The following UNC13C variants were observed in gnomAD, a reference collection of about 807,000 sequenced individuals.
UNC13C encodes protein unc-13 homolog C.
A neutral mutation model predicts 245.4 loss-of-function variants in UNC13C; 174 were observed. The ratio of observed to expected loss-of-function variants is 0.71; its 90% CI spans 0.63 to 0.80. The LOEUF is 0.80. UNC13C is among the 30% of genes least tolerant of loss of function. The pLI is 0.00. For synonymous variants in UNC13C, 992 were observed against 895.1 expected (o/e 1.11, Z -1.93); for missense variants, 2,829 against 2,602.9 (o/e 1.09, Z -1.89).
chr15:54,073,413 G>T (rs1595809985), intron 2 of UNC13C, among the ~76,000 whole-genome samples: 1 of 152,026 alleles, frequency 6.6e-6, no homozygotes, highest in African/African-American at 2.4e-5. Flanking sequence ...GGGATTGCTG[G>T]GTCCAATGGT....
chr15:54,041,457 G>A (rs1896803993), intron 2 of UNC13C, among the ~76,000 whole-genome samples: 1 of 152,134 alleles, frequency 6.6e-6, no homozygotes, highest in Non-Finnish European at 1.5e-5. Flanking sequence ...TGACTGTCAA[G>A]ACTCAGAGAG....
chr15:54,500,874 G>A lies in UNC13C; in HGVS notation c.5197G>A (p.Val1733Met), dbSNP rs746020902. 9.9e-6 allele frequency: 16 copies of A among 1,612,818 alleles called. No individual in the cohort carries two copies. Among genetic ancestry groups the A allele is most frequent in the Admixed American group, 8.4e-5 (5 of 59,838 alleles). ...TSEHALFSCSVVDVFAQLNQS... is the reference protein window; with the variant it reads ...TSEHALFSCSMVDVFAQLNQS... ...TGAGCATGCTCTCTTTTCTTGCTCC[G>A]TGGTTGATGTCTTTGCTCAGCTGAA... Residue 1733 changes from valine to methionine, a missense_variant, in exon 22 of 33, where the codon GTG (valine) becomes ATG (methionine). Coordinates refer to ENST00000260323, the MANE Select transcript of UNC13C (RefSeq NM_001080534.3).
Position 54,403,106 on chromosome 15 carries a change from G to T in UNC13C, c.4847+9925G>T, listed in dbSNP as rs116268109. ...TTGCTTGTACCAGGTCTTGCAGTTC[G>T]AGAAACAGTTATCTAAACTCAGTAA... is the stretch of plus-strand genomic sequence containing the variant. On this transcript the variant is annotated intron_variant, in intron 18 of 32. Coordinates refer to ENST00000260323, the MANE Select transcript of UNC13C (RefSeq NM_001080534.3). Among the ~76,000 whole-genome samples, 510 of 152,280 alleles carry T rather than the reference G, an allele frequency of 3.3e-3. 3 individuals are homozygous for T. The highest frequency in any genetic ancestry group is 0.012 in the African/African-American group (478 of 41,554).
chr15:54,377,084 C>T (rs546707402), intron 17 of UNC13C, among the ~76,000 whole-genome samples: 3 of 152,250 alleles, frequency 2.0e-5, no homozygotes, highest in Non-Finnish European at 2.9e-5. Context: ...GCCTAGCAGC[C>T]GTCAGGTGCT....
At chr15:54,257,730 T>C (rs1179606118) in intron 8 of UNC13C, among the ~76,000 whole-genome samples, 1 of 152,246 alleles carries the variant, frequency 6.6e-6, no homozygotes, top group East Asian at 1.9e-4. Flanking sequence ...CAGTCCTTTG[T>C]TGTTTGCGAA....
At chr15:54,549,798 G>T in intron 28 of UNC13C, 107 bp downstream of exon 28, 1 of 686,548 alleles carries the variant, frequency 1.5e-6, no homozygotes, top group Non-Finnish European at 2.4e-6. Flanking sequence ...GGATTAAGAA[G>T]ATGTGTGTGT....
chr15:54,032,873 G>T (rs561374172), intron 2 of UNC13C, among the ~76,000 whole-genome samples: 1 of 152,312 alleles, frequency 6.6e-6, no homozygotes, highest in Non-Finnish European at 1.5e-5. Context: ...TCTAAGTGAA[G>T]TAACTCAGGA....
chr15:54,080,771 T>G (rs1395797276), intron 2 of UNC13C, among the ~76,000 whole-genome samples: 1 of 152,086 alleles, frequency 6.6e-6, no homozygotes, highest in African/African-American at 2.4e-5. Context: ...ATAACCAACT[T>G]TTTGTTTTGT....
chr15:53,973,051 A>G, the UNC13C span, among the ~76,000 whole-genome samples: 600 of 152,240 alleles, frequency 3.9e-3, 2 homozygotes, highest in Non-Finnish European at 6.4e-3. Context: ...TAAAGAATAG[A>G]AAAGGAAAAA....
intron 2 of UNC13C, among the ~76,000 whole-genome samples, chr15:54,134,307 A>G (rs1265192959): frequency 6.6e-6 from 1 of 151,824 alleles, no homozygotes; most frequent in Non-Finnish European, 1.5e-5. Context: ...TATAAGTGAA[A>G]TAATATTTCT....
intron 30 of UNC13C, among the ~76,000 whole-genome samples, chr15:54,620,852 A>G (rs1900754073): frequency 6.6e-6 from 1 of 151,924 alleles, no homozygotes; most frequent in Non-Finnish European, 1.5e-5. Flanking sequence ...TACAAAGAGT[A>G]AAAGATAAAG....
At chr15:53,884,572 C>T in the UNC13C span, among the ~76,000 whole-genome samples, 1 of 152,092 alleles carries the variant, frequency 6.6e-6, no homozygotes, top group Non-Finnish European at 1.5e-5. Flanking sequence ...TGGCCTGAAG[C>T]AATTTTCCTG....
At chr15:54,341,494 G>A (rs987337870) in intron 17 of UNC13C, among the ~76,000 whole-genome samples, 1 of 152,100 alleles carries the variant, frequency 6.6e-6, no homozygotes, top group Non-Finnish European at 1.5e-5. Flanking sequence ...TGGGTAAGGG[G>A]ATCAGTCGTA....
At chr15:54,475,271 T>TA (rs1487541745) in intron 19 of UNC13C, among the ~76,000 whole-genome samples, 1 of 143,926 alleles carries the variant, frequency 6.9e-6, no homozygotes, top group Non-Finnish European at 1.5e-5. Context: ...GAGAGGGGTA[T>TA]GGTTTTTTGT....
At chr15:54,155,448 T>G (rs1241993023) in intron 4 of UNC13C, among the ~76,000 whole-genome samples, 1 of 152,226 alleles carries the variant, frequency 6.6e-6, no homozygotes, top group Non-Finnish European at 1.5e-5. Flanking sequence ...GGCTCTGTTT[T>G]CTTTATAAGA....
At chr15:54,126,329 A>T (rs1365941663) in intron 2 of UNC13C, among the ~76,000 whole-genome samples, 1 of 152,164 alleles carries the variant, frequency 6.6e-6, no homozygotes, top group Non-Finnish European at 1.5e-5. Flanking sequence ...AACAGTAGCC[A>T]TGCTAATATT....
At chr15:54,438,141 G>C (rs1890320860) in intron 19 of UNC13C, among the ~76,000 whole-genome samples, 1 of 151,862 alleles carries the variant, frequency 6.6e-6, no homozygotes, top group Non-Finnish European at 1.5e-5. Flanking sequence ...AAGGACACAT[G>C]TCTGGAACAG....
At chr15:53,915,275 G>A in the UNC13C span, among the ~76,000 whole-genome samples, 3 of 152,098 alleles carry the variant, frequency 2.0e-5, no homozygotes, top group Non-Finnish European at 4.4e-5. Context: ...AAGAGTGGGT[G>A]GAAGGAACTT....
At chr15:54,574,333 A>G (rs1490194451) in intron 30 of UNC13C, among the ~76,000 whole-genome samples, 2 of 152,144 alleles carry the variant, frequency 1.3e-5, no homozygotes, top group African/African-American at 2.4e-5. Flanking sequence ...TTTTTTCTCA[A>G]GAATGCATTA....
Sources: gnomAD v4.1 joint callset for allele counts (sites outside exome capture counted in the v4.1 genomes callset) on GRCh38, gnomAD v4.1.1 for gene constraint, MANE v1.5 for transcripts, NCBI Gene and HGNC (gene_info 2026-07-23, HGNC 2026-07-21) for gene names.